USO1: variants seen among roughly 807,000 people sequenced by gnomAD.
The protein encoded by USO1 is USO1 vesicle transport factor, also known as general vesicular transport factor p115.
Under a neutral mutation model 124.5 loss-of-function variants are expected in USO1, and 57 were observed. The observed-to-expected ratio is 0.46, with a 90% CI of 0.37 to 0.57. USO1 has a LOEUF of 0.57. Ranked by LOEUF, USO1 falls within the 20% of genes least tolerant of loss-of-function variation. The pLI is 0.00. For synonymous variants in USO1, 369 were observed against 362.8 expected, an observed-to-expected ratio of 1.02 and a Z score of -0.19; for missense variants, 900 against 1,040.6, an observed-to-expected ratio of 0.86 and a Z score of 1.86.
At chr4:75,778,325 C>T (rs1722128173) in intron 8 of USO1, among the ~76,000 whole-genome samples, 1 of 151,958 alleles carries the variant, frequency 6.6e-6, no homozygotes, top group South Asian at 2.1e-4. Context: ...AAAAAGAAAA[C>T]ATTAAAATCA....
At chr4:75,743,542 T>C (rs1721028292) in intron 1 of USO1, among the ~76,000 whole-genome samples, 1 of 152,160 alleles carries the variant, frequency 6.6e-6, no homozygotes, top group Non-Finnish European at 1.5e-5. Flanking sequence ...ATATTCTGTC[T>C]CTTTGCCATT....
intron 4 of USO1, among the ~76,000 whole-genome samples, chr4:75,760,308 G>A (rs1221905094): frequency 2.6e-5 from 4 of 152,218 alleles, no homozygotes; most frequent in Non-Finnish European, 5.9e-5. Flanking sequence ...TTCATGAAAT[G>A]TAATTCTTAG....
chr4:75,741,090 T>C (rs1720946452), intron 1 of USO1, among the ~76,000 whole-genome samples: 1 of 152,226 alleles, frequency 6.6e-6, no homozygotes, highest in Admixed American at 6.5e-5. Context: ...ACCTAGATAG[T>C]ATAGCCTACT....
At chr4:75,804,461 T>C (rs928236135) in intron 18 of USO1, among the ~76,000 whole-genome samples, 189 bp downstream of exon 18, 1 of 152,194 alleles carries the variant, frequency 6.6e-6, no homozygotes, top group Admixed American at 6.5e-5. Context: ...CCTTTAGAGA[T>C]TGAAGTCCAA....
intron 1 of USO1, among the ~76,000 whole-genome samples, chr4:75,728,547 G>T (rs902210725): frequency 1.3e-5 from 2 of 152,170 alleles, no homozygotes; most frequent in African/African-American, 4.8e-5. Flanking sequence ...CTACTCAGGA[G>T]GCTGAGGCAG....
chr4:75,767,301 A>G (rs1721792054), intron 4 of USO1, among the ~76,000 whole-genome samples: 1 of 152,248 alleles, frequency 6.6e-6, no homozygotes, highest in Non-Finnish European at 1.5e-5. Context: ...TTGTATATTC[A>G]GATATTCACT....
intron 1 of USO1, among the ~76,000 whole-genome samples, chr4:75,742,754 TAGATTACATTAA>T (rs2149145292): frequency 6.6e-6 from 1 of 152,364 alleles, no homozygotes; most frequent in East Asian, 1.9e-4. Flanking sequence ...GATAAGGTGC[TAGATTACATTAA>T]AATCTGATAT....
intron 1 of USO1, among the ~76,000 whole-genome samples, chr4:75,736,819 T>G (rs1461121019): frequency 6.6e-6 from 1 of 152,258 alleles, no homozygotes; most frequent in African/African-American, 2.4e-5. Flanking sequence ...TTAGTCAAAC[T>G]GTCTCTTTTT....
At chr4:75,757,348 T>C (rs1353644279) in intron 3 of USO1, 149 bp from the exon 4 acceptor site, 1 of 603,850 alleles carries the variant, frequency 1.7e-6, no homozygotes, top group Non-Finnish European at 2.4e-6. Context: ...GAAATAAAAC[T>C]ACACATTTTT....
intron 1 of USO1, among the ~76,000 whole-genome samples, chr4:75,728,713 T>C (rs1473325196): frequency 6.6e-6 from 1 of 152,204 alleles, no homozygotes; most frequent in East Asian, 1.9e-4. Flanking sequence ...GATAGTCAAT[T>C]CTATAAAGTA....
Position 75,749,424 on chromosome 4 carries a change from A to G in USO1, c.67-2949A>G, listed in dbSNP as rs942978332. On this transcript the variant is annotated intron_variant, in intron 1 of 23. Coordinates refer to ENST00000514213, the MANE Select transcript of USO1 (RefSeq NM_003715.4). Reference sequence around the variant, plus strand: ...TTTTTGTTTTTTTTAATGGAGAAACAAGGTCTCACTCTGTTGCTCAGGCTG... The same window carrying G: ...TTTTTGTTTTTTTTAATGGAGAAACGAGGTCTCACTCTGTTGCTCAGGCTG... Among the ~76,000 whole-genome samples, 5 of 151,312 alleles carry G rather than the reference A, an allele frequency of 3.3e-5. No homozygotes were observed. In the South Asian group the frequency reaches 1.0e-3, roughly 32 times the overall value.
intron 1 of USO1, among the ~76,000 whole-genome samples, chr4:75,739,509 CTTTTTGCA>C (rs1720893856): frequency 7.1e-6 from 1 of 139,890 alleles, no homozygotes; most frequent in Non-Finnish European, 1.6e-5. Context: ...TAGTGTTATG[CTTTTTGCA>C]TTTTTGTATT....
chr4:75,764,913 G>T (rs1200715801), intron 4 of USO1, among the ~76,000 whole-genome samples: 1 of 152,136 alleles, frequency 6.6e-6, no homozygotes, highest in Non-Finnish European at 1.5e-5. Context: ...CTGGAGTTGA[G>T]TAACTGCTGT....
chr4:75,806,451 A>G (rs746735140), intron 19 of USO1, 35 bp from the exon 20 acceptor site: 2 of 1,550,096 alleles, frequency 1.3e-6, no homozygotes, highest in African/African-American at 2.7e-5. Flanking sequence ...TTTAGACTGA[A>G]TATATTTTAT....
intron 1 of USO1, among the ~76,000 whole-genome samples, chr4:75,728,328 G>A (rs930190885): frequency 2.0e-5 from 3 of 152,068 alleles, no homozygotes; most frequent in Non-Finnish European, 2.9e-5. Flanking sequence ...ACTTTGGACT[G>A]ATATTAAGAT....
chr4:75,804,938 T>G, intron 18 of USO1: 1 of 529,972 alleles, frequency 1.9e-6, no homozygotes, highest in Non-Finnish European at 3.1e-6. Context: ...GTCAAGGCTG[T>G]GCTGTTTTTT....
At chr4:75,736,250 G>A (rs979069703) in intron 1 of USO1, among the ~76,000 whole-genome samples, 1 of 146,250 alleles carries the variant, frequency 6.8e-6, no homozygotes, top group East Asian at 2.0e-4. Context: ...ATTTGTATTA[G>A]CATATTTATT....
intron 21 of USO1, 105 bp downstream of exon 21, chr4:75,809,156 CTTTAGATTACTTACTAGCCGG>C (rs11272122): frequency 0.71 from 972,080 of 1,359,908 alleles, 352,883 homozygotes; most frequent in East Asian, 0.9. Flanking sequence ...AGCACCTTCT[CTTTAGATTACTTACTAGCCGG>C]TATTCTAGTA....
intron 9 of USO1, among the ~76,000 whole-genome samples, 163 bp from the exon 10 acceptor site, chr4:75,786,899 C>G (rs1722376934): frequency 6.6e-6 from 1 of 152,166 alleles, no homozygotes. Flanking sequence ...ATATTACTAT[C>G]ACAGAACTTA....
Sources: allele counts gnomAD v4.1 joint callset (sites outside exome capture counted in the v4.1 genomes callset), GRCh38; gene constraint gnomAD v4.1.1; transcripts MANE v1.5; gene names NCBI Gene and HGNC (gene_info 2026-07-23, HGNC 2026-07-21).